The following ADAMTS9 variants were observed in gnomAD, a reference collection of about 807,000 sequenced individuals.
ADAMTS9 encodes A disintegrin and metalloproteinase with thrombospondin motifs 9.
ADAMTS9 carries 107 observed loss-of-function variants against 257.1 expected under a neutral mutation model. The ratio of observed to expected loss-of-function variants is 0.42; its 90% CI spans 0.36 to 0.49. ADAMTS9 has a LOEUF of 0.49. Ranked by LOEUF, ADAMTS9 falls within the 20% of genes least tolerant of loss-of-function variation. ADAMTS9 has a pLI of 0.03. For synonymous variants in ADAMTS9, 982 were observed against 880.9 expected (o/e 1.11, Z -2.03); for missense variants, 2,353 against 2,469.1 (o/e 0.95, Z 1.00).
chr3:64,672,877 G>A (rs999321197), intron 3 of ADAMTS9, among the ~76,000 whole-genome samples: 1 of 152,198 alleles, frequency 6.6e-6, no homozygotes, highest in Non-Finnish European at 1.5e-5. Context: ...ATGGAATGCA[G>A]ATATGACAGT....
At chr3:64,521,832 T>C (rs957666829) in intron 39 of ADAMTS9, among the ~76,000 whole-genome samples, 2 of 152,206 alleles carry the variant, frequency 1.3e-5, no homozygotes, top group Non-Finnish European at 2.9e-5. Context: ...TGGATACTAC[T>C]TTCACTATTT....
intron 3 of ADAMTS9, among the ~76,000 whole-genome samples, chr3:64,663,787 T>C (rs189641005): frequency 6.6e-6 from 1 of 152,260 alleles, no homozygotes; most frequent in African/African-American, 2.4e-5. Flanking sequence ...AGCAATATCT[T>C]CTAAAACAGA....
At chr3:64,639,461 C>T (rs1004060877) in intron 12 of ADAMTS9, among the ~76,000 whole-genome samples, 4 of 151,976 alleles carry the variant, frequency 2.6e-5, no homozygotes, top group African/African-American at 9.7e-5. Flanking sequence ...GATCTTTACA[C>T]TGGGTGATTT....
intron 18 of ADAMTS9, among the ~76,000 whole-genome samples, chr3:64,621,646 C>G (rs1700106273): frequency 6.6e-6 from 1 of 151,932 alleles, no homozygotes; most frequent in African/African-American, 2.4e-5. Flanking sequence ...CCTGTGATCC[C>G]AGCTACTCGG....
At chr3:64,607,677 A>C (rs1473927006) in intron 22 of ADAMTS9, among the ~76,000 whole-genome samples, 1 of 152,222 alleles carries the variant, frequency 6.6e-6, no homozygotes, top group Non-Finnish European at 1.5e-5. Flanking sequence ...GGGAGCTCCA[A>C]GAATTGGTCC....
At chr3:64,680,900 C>G (rs1371661154) in intron 3 of ADAMTS9, among the ~76,000 whole-genome samples, 1 of 152,064 alleles carries the variant, frequency 6.6e-6, no homozygotes, top group Non-Finnish European at 1.5e-5. Context: ...AAGGTTAAGC[C>G]TAAAAATCAG....
chr3:64,652,647 C>T (rs1344410046), intron 8 of ADAMTS9, among the ~76,000 whole-genome samples: 1 of 152,192 alleles, frequency 6.6e-6, no homozygotes, highest in African/African-American at 2.4e-5. Flanking sequence ...CATTTGCTCA[C>T]TGCAGGAGTT....
intron 25 of ADAMTS9, 63 bp downstream of exon 25, chr3:64,603,859 G>T: frequency 6.4e-7 from 1 of 1,557,760 alleles, no homozygotes; most frequent in South Asian, 1.2e-5. Context: ...CCCCTCCGCT[G>T]ACTCCTCATA....
chr3:64,648,423 TAGAC>T (rs1339348323), intron 10 of ADAMTS9, among the ~76,000 whole-genome samples: 3 of 152,198 alleles, frequency 2.0e-5, no homozygotes, highest in Non-Finnish European at 4.4e-5. Context: ...TCTCCAGTAA[TAGAC>T]AGCATTTAAG....
At chr3:64,564,145 C>G (rs1025788952) in intron 29 of ADAMTS9, among the ~76,000 whole-genome samples, 3 of 152,134 alleles carry the variant, frequency 2.0e-5, no homozygotes, top group Non-Finnish European at 4.4e-5. Context: ...TTAATGTGCT[C>G]CCCCCACAGC....
chr3:64,663,203 G>A (rs1277736446), intron 3 of ADAMTS9, among the ~76,000 whole-genome samples: 1 of 151,934 alleles, frequency 6.6e-6, no homozygotes, highest in Non-Finnish European at 1.5e-5. Flanking sequence ...ACATATCTGT[G>A]GATATACCAA....
chr3:64,547,857 G>GT (rs35890967), intron 31 of ADAMTS9, among the ~76,000 whole-genome samples: 6,584 of 147,356 alleles, frequency 0.045, 339 homozygotes, highest in African/African-American at 0.12. Flanking sequence ...CCTTAGCTAA[G>GT]TTTTTTTTTT....
chr3:64,651,632 C>T (rs925891441), intron 8 of ADAMTS9, among the ~76,000 whole-genome samples: 2 of 152,176 alleles, frequency 1.3e-5, no homozygotes, highest in African/African-American at 4.8e-5. Flanking sequence ...TGGGTCTTGG[C>T]ATCTTCCCCT....
chr3:64,561,926 A>G (rs1169258207), intron 29 of ADAMTS9, among the ~76,000 whole-genome samples, 175 bp from the exon 30 acceptor site: 1 of 152,162 alleles, frequency 6.6e-6, no homozygotes, highest in East Asian at 1.9e-4. Flanking sequence ...TTAAACCTGG[A>G]AACTCACTGC....
At chr3:64,669,459 A>G (rs1701431457) in intron 3 of ADAMTS9, among the ~76,000 whole-genome samples, 1 of 152,218 alleles carries the variant, frequency 6.6e-6, no homozygotes, top group Admixed American at 6.5e-5. Flanking sequence ...TTCTAGCTCC[A>G]AGATTAGGAG....
intron 12 of ADAMTS9, among the ~76,000 whole-genome samples, chr3:64,635,614 C>T (rs1162531895): frequency 1.3e-5 from 2 of 152,230 alleles, no homozygotes; most frequent in African/African-American, 4.8e-5. Context: ...GCTTTTATAC[C>T]AAGTGACAGG....
At chr3:64,569,278 C>T (rs1446422370) in intron 28 of ADAMTS9, among the ~76,000 whole-genome samples, 2 of 152,168 alleles carry the variant, frequency 1.3e-5, no homozygotes. Flanking sequence ...GTAAAACAGG[C>T]AAGAGGCTGG....
intron 37 of ADAMTS9, among the ~76,000 whole-genome samples, chr3:64,533,862 G>C (rs1246893830): frequency 6.6e-6 from 1 of 152,210 alleles, no homozygotes; most frequent in Non-Finnish European, 1.5e-5. Context: ...TCAGGCTCCG[G>C]TAAGGGAGAT....
chr3:64,607,499 G>C lies in ADAMTS9; in HGVS notation c.3355-420C>G, dbSNP rs180818163. Reference sequence around the variant, plus strand: ...AGTTTGCATCAATATTTTTATAAGAGACAAAAAAACTGGACACCACCAAAG... The same window carrying C: ...AGTTTGCATCAATATTTTTATAAGACACAAAAAAACTGGACACCACCAAAG... On this transcript the variant is annotated intron_variant, in intron 22 of 39. Transcript: ENST00000498707. Among the ~76,000 whole-genome samples the C allele has an allele frequency of 1.8e-4, 27 of 152,154 alleles. 1 individual carries two copies. In the East Asian group the frequency reaches 3.9e-3, roughly 22 times the overall value.
Sources: allele counts gnomAD v4.1 joint callset (sites outside exome capture counted in the v4.1 genomes callset), GRCh38; gene constraint gnomAD v4.1.1; transcripts MANE v1.5; gene names NCBI Gene and HGNC (gene_info 2026-07-23, HGNC 2026-07-21).